Variants in SWAP70 observed in about 807,000 individuals in gnomAD.
The protein encoded by SWAP70 is switching B cell complex subunit SWAP70.
Under a neutral mutation model 80.2 loss-of-function variants are expected in SWAP70, and 34 were observed. The observed-to-expected ratio is 0.42, with a 90% confidence interval of 0.32 to 0.56. The LOEUF (loss-of-function observed/expected upper bound fraction) is 0.56, where lower values mean the gene tolerates loss of function less well. SWAP70 is among the 20% of genes least tolerant of loss of function. SWAP70 has a pLI of 0.09. For synonymous variants in SWAP70, 239 were observed against 238.5 expected (o/e 1.00, Z -0.02); for missense variants, 578 against 690.7 (o/e 0.84, Z 1.83).
chr11:9,675,112 A>G (rs1850471757), intron 1 of SWAP70, among the ~76,000 whole-genome samples: 1 of 152,146 alleles, frequency 6.6e-6, no homozygotes, highest in Non-Finnish European at 1.5e-5. Flanking sequence ...AGCCTTTGCA[A>G]CATAGTAAGA....
At chr11:9,706,973 A>G (rs989022961) in intron 2 of SWAP70, among the ~76,000 whole-genome samples, 2 of 152,022 alleles carry the variant, frequency 1.3e-5, no homozygotes, top group Non-Finnish European at 2.9e-5. Context: ...ATTCTTTCAC[A>G]TATATTTCTT....
chr11:9,735,318 A>G (rs537148323), intron 7 of SWAP70, among the ~76,000 whole-genome samples: 1 of 152,320 alleles, frequency 6.6e-6, no homozygotes, highest in East Asian at 1.9e-4. Context: ...AGATCTTTTC[A>G]TATCAGTATA....
chr11:9,701,665 C>T (rs568009979), intron 2 of SWAP70, among the ~76,000 whole-genome samples: 11 of 138,218 alleles, frequency 8.0e-5, no homozygotes, highest in Admixed American at 2.9e-4. Flanking sequence ...ATTCTTTAAA[C>T]GTCTAGGAAG....
intron 2 of SWAP70, among the ~76,000 whole-genome samples, chr11:9,701,550 A>G (rs1850832012): frequency 6.6e-6 from 1 of 151,316 alleles, no homozygotes; most frequent in South Asian, 2.1e-4. Context: ...TGGGAGGCTG[A>G]GGCAGGAGGA....
chr11:9,671,422 A>G (rs1253356802), intron 1 of SWAP70, among the ~76,000 whole-genome samples: 1 of 74,306 alleles, frequency 1.3e-5, no homozygotes, highest in African/African-American at 6.0e-5. Context: ...ATATTTATAA[A>G]TATATATATA....
chr11:9,727,023 G>A (rs201407772), intron 4 of SWAP70: 1 of 452,578 alleles, frequency 2.2e-6, no homozygotes, highest in Non-Finnish European at 4.5e-6. Flanking sequence ...CCAAGCTTTA[G>A]CATTTTCATT....
At chr11:9,699,590 C>T (rs959464895) in intron 2 of SWAP70, among the ~76,000 whole-genome samples, 11 of 152,112 alleles carry the variant, frequency 7.2e-5, no homozygotes, top group Admixed American at 5.9e-4. Context: ...CACAGTGGCT[C>T]ATGCCTGTAA....
chr11:9,681,881 C>G (rs1850572150), intron 1 of SWAP70, among the ~76,000 whole-genome samples: 1 of 152,142 alleles, frequency 6.6e-6, no homozygotes, highest in African/African-American at 2.4e-5. Context: ...ATGAAAGATT[C>G]AGAAAGTAAA....
chr11:9,667,579 T>G (rs964371890), intron 1 of SWAP70, among the ~76,000 whole-genome samples: 1 of 152,094 alleles, frequency 6.6e-6, no homozygotes. Context: ...TTTCTCTTTT[T>G]TTGGAGACAA....
intron 3 of SWAP70, among the ~76,000 whole-genome samples, chr11:9,715,582 T>G (rs946554007): frequency 6.6e-6 from 1 of 152,196 alleles, no homozygotes; most frequent in Non-Finnish European, 1.5e-5. Context: ...CAGTTCCACA[T>G]GGCTGGGGAG....
intron 4 of SWAP70, 173 bp downstream of exon 4, chr11:9,725,058 GA>G: frequency 1.7e-6 from 1 of 575,196 alleles, no homozygotes; most frequent in Non-Finnish European, 3.0e-6. Flanking sequence ...GGAGTGCAGT[GA>G]CGTGATCTTG....
At chr11:9,718,194 C>G (rs184665360) in intron 3 of SWAP70, among the ~76,000 whole-genome samples, 284 of 152,336 alleles carry the variant, frequency 1.9e-3, no homozygotes, top group Non-Finnish European at 2.6e-3. Flanking sequence ...AATAGCCAGG[C>G]AGCATACCTT....
chr11:9,718,296 A>G (rs1421284703), intron 3 of SWAP70, among the ~76,000 whole-genome samples: 1 of 152,198 alleles, frequency 6.6e-6, no homozygotes, highest in African/African-American at 2.4e-5. Flanking sequence ...AGTTAGTTTT[A>G]TAGATTTTCC....
chr11:9,745,561 C>G (rs1357749023), intron 9 of SWAP70, among the ~76,000 whole-genome samples: 1 of 152,138 alleles, frequency 6.6e-6, no homozygotes. Context: ...TGCCAAAACC[C>G]TATACACTCT....
intron 1 of SWAP70, 60 bp downstream of exon 1, chr11:9,664,338 T>C: frequency 6.7e-7 from 1 of 1,481,786 alleles, no homozygotes; most frequent in Non-Finnish European, 9.1e-7. Flanking sequence ...TGTACTTCCC[T>C]TGGGTGGAAG....
At chr11:9,746,309 G>C (rs1288964766) in intron 9 of SWAP70, among the ~76,000 whole-genome samples, 1 of 152,186 alleles carries the variant, frequency 6.6e-6, no homozygotes, top group African/African-American at 2.4e-5. Context: ...ACATGAAGGA[G>C]TTCAGAGGCT....
intron 1 of SWAP70, among the ~76,000 whole-genome samples, chr11:9,679,061 T>C (rs1850536182): frequency 6.6e-6 from 1 of 152,188 alleles, no homozygotes; most frequent in South Asian, 2.1e-4. Context: ...TTTCAGCAGT[T>C]GAGGGAGAGA....
intron 4 of SWAP70, among the ~76,000 whole-genome samples, chr11:9,727,835 C>T (rs1851245466): frequency 6.6e-6 from 1 of 152,128 alleles, no homozygotes. Context: ...GGGGTTGTCT[C>T]TGAAGTGTCT....
intron 9 of SWAP70, chr11:9,741,465 G>A (rs1851436941): frequency 6.6e-6 from 1 of 152,186 alleles, no homozygotes. Context: ...TAGCAGAAGA[G>A]TCACTCTACG....
Sources: allele counts gnomAD v4.1 joint callset (sites outside exome capture counted in the v4.1 genomes callset), GRCh38; gene constraint gnomAD v4.1.1; transcripts MANE v1.5; gene names NCBI Gene and HGNC (gene_info 2026-07-23, HGNC 2026-07-21).